CHCHD3: variants seen among roughly 807,000 people sequenced by gnomAD.
CHCHD3 encodes MICOS complex subunit MIC19.
CHCHD3 carries 20 observed loss-of-function variants against 38.2 expected under a neutral mutation model. The observed-to-expected ratio is 0.52, with a 90% CI of 0.37 to 0.76. The LOEUF is 0.76. Among genes scored for constraint, CHCHD3 ranks in the 30% least tolerant of loss-of-function variants. The pLI is 0.00. For synonymous variants in CHCHD3, 82 were observed against 100.0 expected (o/e 0.82, Z 1.07); for missense variants, 245 against 279.2 (o/e 0.88, Z 0.87).
At chr7:132,861,365 C>T (rs573011309) in intron 5 of CHCHD3, among the ~76,000 whole-genome samples, 2 of 152,322 alleles carry the variant, frequency 1.3e-5, no homozygotes, top group East Asian at 3.9e-4. Context: ...TATTTTCTCT[C>T]ACTGTATTCA....
At chr7:132,829,606 C>T (rs1366516670) in intron 6 of CHCHD3, among the ~76,000 whole-genome samples, 4 of 152,156 alleles carry the variant, frequency 2.6e-5, no homozygotes, top group Admixed American at 6.5e-5. Flanking sequence ...TGGTGCAACA[C>T]CAATAAACCC....
chr7:132,984,650 A>G (rs1162179071), intron 3 of CHCHD3, among the ~76,000 whole-genome samples: 3 of 146,744 alleles, frequency 2.0e-5, no homozygotes, highest in Non-Finnish European at 3.0e-5. Flanking sequence ...ATCGTCTGAG[A>G]TGTGGGGAGT....
intron 2 of CHCHD3, among the ~76,000 whole-genome samples, chr7:133,063,345 T>C (rs1278856237): frequency 6.6e-6 from 1 of 152,160 alleles, no homozygotes; most frequent in African/African-American, 2.4e-5. Flanking sequence ...CCACTCTACC[T>C]AGACCAGGCA....
Position 132,793,186 on chromosome 7 carries a change from C to G in CHCHD3, c.660+3256G>C, listed in dbSNP as rs138107761. Among the ~76,000 whole-genome samples, 689 of 152,222 alleles carry G rather than the reference C, an allele frequency of 4.5e-3. 4 individuals are homozygous for G. Among genetic ancestry groups the G allele is most frequent in the Non-Finnish European group, 4.1e-3 (277 of 68,012 alleles). On this transcript the variant is annotated intron_variant, in intron 7 of 7. Transcript: ENST00000262570. ...GCACGCTCAGAGGAAGAGACATGAC[C>G]TATTTGGTACAAGCAGCACCTCTCC...
At position 132,877,008 on chromosome 7, in the gene CHCHD3, A is replaced by T. The variant is rs572662733; in HGVS notation, c.453+8654T>A. Among the ~76,000 whole-genome samples the T allele has an allele frequency of 8.7e-4, 132 of 152,240 alleles. 1 individual carries two copies. The highest frequency in any genetic ancestry group is 3.1e-3 in the African/African-American group (127 of 41,554). On this transcript the variant is annotated intron_variant, in intron 5 of 7. Coordinates refer to ENST00000262570, the MANE Select transcript of CHCHD3 (RefSeq NM_017812.4). ...GCTTTGTACTCCATGTTCTCATCTTACCTTAAGGTTAATACTTCTTGACAG... is the reference window on the plus strand; with the variant it reads ...GCTTTGTACTCCATGTTCTCATCTTTCCTTAAGGTTAATACTTCTTGACAG...
intron 5 of CHCHD3, among the ~76,000 whole-genome samples, chr7:132,870,468 T>C (rs925936443): frequency 6.6e-6 from 1 of 152,140 alleles, no homozygotes; most frequent in Non-Finnish European, 1.5e-5. Context: ...CTCAAACAGC[T>C]GTATAATTAT....
At chr7:132,891,893 G>A (rs181506880) in intron 4 of CHCHD3, among the ~76,000 whole-genome samples, 154 of 152,272 alleles carry the variant, frequency 1.0e-3, no homozygotes, top group Non-Finnish European at 1.8e-3. Context: ...CTGGCTTGCC[G>A]TGTGAAGAAG....
rs143841926 is a variant in CHCHD3, at chr7:132,885,040, C to T, written c.453+622G>A. 3.4e-3 allele frequency among the ~76,000 whole-genome samples: 523 copies of T among 152,142 alleles called. 3 individuals carry two copies. Among genetic ancestry groups the T allele is most frequent in the African/African-American group, 0.012 (485 of 41,524 alleles). ...GCTGAGGGAGGCAGATGACTTGAGG[C>T]CAGGAGCTCAAGACCAGCATGGCCA... On this transcript the variant is annotated intron_variant, in intron 5 of 7. Transcript: ENST00000262570.
At chr7:133,008,337 G>A (rs1327454615) in intron 3 of CHCHD3, among the ~76,000 whole-genome samples, 1 of 147,524 alleles carries the variant, frequency 6.8e-6, no homozygotes, top group Non-Finnish European at 1.5e-5. Context: ...CCCAGACTCG[G>A]CAGATTAAGC....
intron 2 of CHCHD3, among the ~76,000 whole-genome samples, chr7:133,032,697 T>C (rs1016504523): frequency 6.6e-6 from 1 of 152,152 alleles, no homozygotes; most frequent in African/African-American, 2.4e-5. Context: ...ACATCTTAAG[T>C]AGACAATTCC....
chr7:132,909,007 T>G (rs1267557750), intron 4 of CHCHD3, among the ~76,000 whole-genome samples: 1 of 152,134 alleles, frequency 6.6e-6, no homozygotes, highest in African/African-American at 2.4e-5. Flanking sequence ...AATTGAATCA[T>G]GGGGGCAGTT....
At chr7:132,859,778 G>C (rs1194648217) in intron 5 of CHCHD3, among the ~76,000 whole-genome samples, 7 of 151,976 alleles carry the variant, frequency 4.6e-5, no homozygotes, top group Admixed American at 2.6e-4. Flanking sequence ...CCTCAGGGCT[G>C]TTCAAGGTCC....
chr7:133,051,251 C>T (rs142310223), intron 2 of CHCHD3, among the ~76,000 whole-genome samples: 1 of 152,168 alleles, frequency 6.6e-6, no homozygotes, highest in Admixed American at 6.5e-5. Flanking sequence ...CTTCTTGAGG[C>T]TGCATTTCAA....
In CHCHD3 at chr7:132,811,068, T is replaced by C. The variant is rs138259045; in HGVS notation, c.525-14491A>G. 4.5e-3 allele frequency among the ~76,000 whole-genome samples: 688 copies of C among 152,174 alleles called. 4 individuals are homozygous for C. The highest frequency in any genetic ancestry group is 0.016 in the African/African-American group (653 of 41,536). On this transcript the variant is annotated intron_variant, in intron 6 of 7. Transcript: ENST00000262570. ...GCTAATGTGCTGGCCTGTTGTTTCATTGAGAAAAAAAAAATAAACCAAAAG... is the reference window on the plus strand; with the variant it reads ...GCTAATGTGCTGGCCTGTTGTTTCACTGAGAAAAAAAAAATAAACCAAAAG...
chr7:132,811,609 T>C (rs1447393497), intron 6 of CHCHD3, among the ~76,000 whole-genome samples: 1 of 152,226 alleles, frequency 6.6e-6, no homozygotes, highest in Non-Finnish European at 1.5e-5. Flanking sequence ...AGAACTGCTC[T>C]TGCTAAAATC....
At chr7:132,968,024 G>A (rs947899185) in intron 4 of CHCHD3, among the ~76,000 whole-genome samples, 2 of 152,094 alleles carry the variant, frequency 1.3e-5, no homozygotes, top group Admixed American at 6.6e-5. Flanking sequence ...AACAAAACAC[G>A]TTTCTCCTTT....
chr7:132,898,463 G>C (rs1462748153), intron 4 of CHCHD3, among the ~76,000 whole-genome samples: 1 of 152,038 alleles, frequency 6.6e-6, no homozygotes, highest in South Asian at 2.1e-4. Context: ...ACAGAGTGTC[G>C]ATTGGTGCAT....
At chr7:132,812,275 C>T (rs1297817635) in intron 6 of CHCHD3, among the ~76,000 whole-genome samples, 2 of 124,920 alleles carry the variant, frequency 1.6e-5, no homozygotes, top group Admixed American at 1.1e-4. Flanking sequence ...GTGGTGCAAT[C>T]TCACCTCACT....
chr7:133,003,617 A>G (rs1214170374), intron 3 of CHCHD3, among the ~76,000 whole-genome samples: 1 of 152,156 alleles, frequency 6.6e-6, no homozygotes, highest in African/African-American at 2.4e-5. Context: ...CTTTTTTCTT[A>G]CTATGACAAT....
Sources: allele counts gnomAD v4.1 joint callset (sites outside exome capture counted in the v4.1 genomes callset), GRCh38; gene constraint gnomAD v4.1.1; transcripts MANE v1.5; gene names NCBI Gene and HGNC (gene_info 2026-07-23, HGNC 2026-07-21).